The following CCDC178 variants were observed in gnomAD, a reference collection of about 807,000 sequenced individuals.
CCDC178 encodes coiled-coil domain containing 178.
Under a neutral mutation model 117.4 loss-of-function variants are expected in CCDC178, and 126 were observed. That is an observed-to-expected ratio of 1.07 (90% CI 0.93 to 1.24). CCDC178 has a LOEUF of 1.24. Among genes scored for constraint, CCDC178 ranks in the 50% most tolerant of loss-of-function variants. The pLI is 0.00. For missense variants in CCDC178, 1,030 were observed against 986.9 expected (o/e 1.04, Z -0.59); for synonymous variants, 283 against 313.4 (o/e 0.90, Z 1.02).
At chr18:33,148,352 G>T (rs1456688335) in intron 20 of CCDC178, among the ~76,000 whole-genome samples, 1 of 152,154 alleles carries the variant, frequency 6.6e-6, no homozygotes, top group Admixed American at 6.5e-5. Context: ...CAGGGAGGTT[G>T]CAGTGAGCCT....
intron 11 of CCDC178, among the ~76,000 whole-genome samples, chr18:33,320,898 A>T (rs1300690998): frequency 6.6e-6 from 1 of 152,220 alleles, no homozygotes; most frequent in East Asian, 1.9e-4. Context: ...AGAGATAGGG[A>T]CCAATGGAAT....
At chr18:33,076,006 G>T (rs781149748) in intron 21 of CCDC178, among the ~76,000 whole-genome samples, 8 of 152,250 alleles carry the variant, frequency 5.3e-5, no homozygotes, top group Middle Eastern at 3.4e-3. Flanking sequence ...ACAGTTTTCT[G>T]CCATAAAACA....
chr18:33,024,517 C>T (rs2056184998), intron 21 of CCDC178, among the ~76,000 whole-genome samples: 1 of 152,186 alleles, frequency 6.6e-6, no homozygotes, highest in South Asian at 2.1e-4. Context: ...TTTAAAGGCT[C>T]TACCTCCAAA....
chr18:33,357,357 A>G (rs2063071357), intron 6 of CCDC178, among the ~76,000 whole-genome samples: 1 of 152,142 alleles, frequency 6.6e-6, no homozygotes, highest in Non-Finnish European at 1.5e-5. Flanking sequence ...CCCAAGAAGT[A>G]CATAAATCTC....
intron 20 of CCDC178, among the ~76,000 whole-genome samples, chr18:33,148,267 T>C (rs2058296426): frequency 6.6e-6 from 1 of 152,022 alleles, no homozygotes; most frequent in South Asian, 2.1e-4. Context: ...ACCAAAAAAA[T>C]ATGAAAACCA....
intron 20 of CCDC178, among the ~76,000 whole-genome samples, chr18:33,157,332 G>A (rs1481420606): frequency 6.6e-6 from 1 of 152,012 alleles, no homozygotes; most frequent in Admixed American, 6.5e-5. Context: ...CTTGCATTTA[G>A]GACTATTTTA....
At chr18:33,327,333 G>A (rs1190185706) in intron 10 of CCDC178, among the ~76,000 whole-genome samples, 1 of 151,686 alleles carries the variant, frequency 6.6e-6, no homozygotes, top group South Asian at 2.1e-4. Flanking sequence ...ATTGCATTTT[G>A]TTTATCTCAG....
At chr18:33,385,865 A>C (rs892293346) in intron 5 of CCDC178, among the ~76,000 whole-genome samples, 1 of 152,192 alleles carries the variant, frequency 6.6e-6, no homozygotes, top group Non-Finnish European at 1.5e-5. Flanking sequence ...TCAGAGCAGA[A>C]CTGAAAGAGA....
At chr18:33,088,732 T>C in intron 21 of CCDC178, among the ~76,000 whole-genome samples, 1 of 152,162 alleles carries the variant, frequency 6.6e-6, no homozygotes, top group Non-Finnish European at 1.5e-5. Context: ...CTGTAATTCC[T>C]TCACAGGCCC....
intron 12 of CCDC178, among the ~76,000 whole-genome samples, chr18:33,288,640 A>G (rs2060131037): frequency 6.6e-6 from 1 of 151,932 alleles, no homozygotes; most frequent in African/African-American, 2.4e-5. Flanking sequence ...ACTAATTTCA[A>G]CACAGTGTTA....
At chr18:33,317,732 G>A (rs765237167) in intron 11 of CCDC178, among the ~76,000 whole-genome samples, 2 of 152,068 alleles carry the variant, frequency 1.3e-5, no homozygotes, top group Non-Finnish European at 2.9e-5. Flanking sequence ...ATACAGAAAA[G>A]GGGAGATTTG....
chr18:33,173,050 G>GT, intron 20 of CCDC178, among the ~76,000 whole-genome samples: 1 of 152,058 alleles, frequency 6.6e-6, no homozygotes, highest in East Asian at 1.9e-4. Flanking sequence ...GTTGCATTTA[G>GT]TTTTTGTTTT....
chr18:33,086,934 C>T (rs561440169), intron 21 of CCDC178, among the ~76,000 whole-genome samples: 22 of 145,858 alleles, frequency 1.5e-4, no homozygotes, highest in Admixed American at 5.6e-4. Context: ...GCAGGATATC[C>T]AGATATTCCT....
At chr18:33,431,345 A>G (rs551097175) in intron 2 of CCDC178, among the ~76,000 whole-genome samples, 2 of 152,082 alleles carry the variant, frequency 1.3e-5, no homozygotes, top group African/African-American at 4.8e-5. Context: ...TATCTGAATT[A>G]GGCATTCTCA....
intron 5 of CCDC178, among the ~76,000 whole-genome samples, chr18:33,387,740 C>A (rs916781638): frequency 6.6e-6 from 1 of 152,036 alleles, no homozygotes; most frequent in Non-Finnish European, 1.5e-5. Context: ...AAATGTAAAA[C>A]CCAAAACTAT....
rs1357195813 is a variant in CCDC178, at chr18:33,122,990, G to A, written c.2239-30080C>T. On this transcript the variant is annotated intron_variant, in intron 20 of 22. Coordinates refer to ENST00000383096, the MANE Select transcript of CCDC178 (RefSeq NM_001105528.4). ...CTAAGAACACATGATAGAGTTCAAC[G>A]AAGTCAGATGCTTGGTGACCCTGAA... Among the ~76,000 whole-genome samples, 75 of 152,062 alleles carry A rather than the reference G, an allele frequency of 4.9e-4. 1 individual carries two copies. The highest frequency in any genetic ancestry group is 2.9e-5 in the Non-Finnish European group (2 of 67,994).
chr18:33,423,942 C>T (rs944951606), intron 2 of CCDC178, among the ~76,000 whole-genome samples: 5 of 152,112 alleles, frequency 3.3e-5, no homozygotes, highest in Admixed American at 2.6e-4. Flanking sequence ...TTATCTTCAA[C>T]ATATTGTTTC....
intron 21 of CCDC178, among the ~76,000 whole-genome samples, chr18:33,090,501 T>C (rs1349620713): frequency 6.6e-6 from 1 of 152,158 alleles, no homozygotes; most frequent in Non-Finnish European, 1.5e-5. Flanking sequence ...CCTGCATACA[T>C]GGGAAATGCT....
chr18:33,104,455 C>G (rs1033661310), intron 20 of CCDC178, among the ~76,000 whole-genome samples: 1 of 151,606 alleles, frequency 6.6e-6, no homozygotes, highest in Non-Finnish European at 1.5e-5. Context: ...TTTCTATCTT[C>G]TCTTTTCTTC....
Sources: gnomAD v4.1 joint callset for allele counts (sites outside exome capture counted in the v4.1 genomes callset) on GRCh38, gnomAD v4.1.1 for gene constraint, MANE v1.5 for transcripts, NCBI Gene and HGNC (gene_info 2026-07-23, HGNC 2026-07-21) for gene names.